Variants in ITPRID1 observed in about 807,000 individuals in gnomAD.
ITPRID1 encodes the protein protein ITPRID1.
In ITPRID1, 96 loss-of-function variants were observed where a neutral mutation model predicts 95.4. The ratio of observed to expected loss-of-function variants is 1.01; its 90% CI spans 0.85 to 1.19. The LOEUF is 1.19. Among genes scored for constraint, ITPRID1 ranks in the 50% most tolerant of loss-of-function variants. The pLI, the probability that ITPRID1 is intolerant of heterozygous loss-of-function variation, is 0.00. For missense variants in ITPRID1, 1,339 were observed against 1,252.9 expected (o/e 1.07, Z -1.04); for synonymous variants, 510 against 453.6 (o/e 1.12, Z -1.58).
chr7:31,605,055 A>G (rs1056389850), intron 10 of ITPRID1, among the ~76,000 whole-genome samples: 18 of 151,936 alleles, frequency 1.2e-4, no homozygotes, highest in African/African-American at 4.1e-4. Context: ...GGAGAATCCC[A>G]TGAACCTGGG....
At chr7:31,574,273 T>C (rs1447837072) in intron 7 of ITPRID1, among the ~76,000 whole-genome samples, 1 of 152,136 alleles carries the variant, frequency 6.6e-6, no homozygotes, top group African/African-American at 2.4e-5. Flanking sequence ...CCCTGCCCTG[T>C]ATAATTTACC....
intron 5 of ITPRID1, 141 bp from the exon 6 acceptor site, chr7:31,569,617 C>T (rs780680258): frequency 7.9e-5 from 52 of 657,722 alleles, no homozygotes; most frequent in Non-Finnish European, 1.3e-4. Context: ...TGTCTATTCA[C>T]TGCAGTGATG....
At position 31,642,250 on chromosome 7, in the gene ITPRID1, C is replaced by A. The variant is rs1047510276; in HGVS notation, c.1303C>A (p.Pro435Thr). The A allele has an allele frequency of 1.3e-6, 2 of 1,551,156 alleles. No homozygotes were observed. The highest frequency in any genetic ancestry group is 1.7e-6 in the Non-Finnish European group (2 of 1,146,846). Residue 435 changes from proline to threonine, a missense_variant, in exon 11 of 15, where the codon CCC becomes ACC. By Grantham distance (38) the Pro-to-Thr change is conservative. Coordinates refer to ENST00000615280, the MANE Select transcript of ITPRID1 (RefSeq NM_001257967.3). Reference sequence around the variant, plus strand: ...CCTGGAGGAGCCGCTGGAACCGCTGCCCCTCCAGGTAGGAGGGTTTGGAAC... The same window carrying A: ...CCTGGAGGAGCCGCTGGAACCGCTGACCCTCCAGGTAGGAGGGTTTGGAAC... ...GFLEEPLEPLPLQMPSLPNSQ... is the reference protein window; with the variant it reads ...GFLEEPLEPLTLQMPSLPNSQ...
At chr7:31,574,773 C>T (rs1256021332) in intron 8 of ITPRID1, 31 bp downstream of exon 8, 1 of 1,604,452 alleles carries the variant, frequency 6.2e-7, no homozygotes, top group Non-Finnish European at 8.5e-7. Flanking sequence ...ATTCGCATCT[C>T]AGCATTGGGA....
chr7:31,596,107 CTAT>C (rs1786078460), intron 10 of ITPRID1, among the ~76,000 whole-genome samples: 1 of 150,920 alleles, frequency 6.6e-6, no homozygotes, highest in Non-Finnish European at 1.5e-5. Context: ...TATATTGATA[CTAT>C]ATTACCAATA....
chr7:31,625,251 G>C (rs1788339512), intron 10 of ITPRID1, among the ~76,000 whole-genome samples: 1 of 146,482 alleles, frequency 6.8e-6, no homozygotes. Flanking sequence ...AATACCATTT[G>C]ACCCAGCCAT....
At chr7:31,518,639 A>T (rs953661090) in intron 1 of ITPRID1, among the ~76,000 whole-genome samples, 2 of 152,230 alleles carry the variant, frequency 1.3e-5, no homozygotes, top group African/African-American at 4.8e-5. Context: ...AATGAAACAC[A>T]TGTAGCAATA....
intron 1 of ITPRID1, among the ~76,000 whole-genome samples, chr7:31,545,334 T>C (rs534134181): frequency 7.9e-5 from 12 of 152,070 alleles, no homozygotes; most frequent in Admixed American, 7.9e-4. Context: ...GAATAGGAGA[T>C]GAGAGGTGGA....
At chr7:31,634,519 C>T (rs1309438145) in intron 10 of ITPRID1, among the ~76,000 whole-genome samples, 1 of 152,158 alleles carries the variant, frequency 6.6e-6, no homozygotes, top group Non-Finnish European at 1.5e-5. Flanking sequence ...CTCCAGATCA[C>T]ACAGCCTCTA....
chr7:31,537,201 A>G (rs1783790260), intron 1 of ITPRID1, among the ~76,000 whole-genome samples: 1 of 150,706 alleles, frequency 6.6e-6, no homozygotes, highest in Non-Finnish European at 1.5e-5. Context: ...TTTGCTCCCA[A>G]TCTTCCTGGT....
intron 10 of ITPRID1, among the ~76,000 whole-genome samples, chr7:31,586,014 A>G (rs918967089): frequency 1.6e-5 from 2 of 128,244 alleles, no homozygotes; most frequent in Non-Finnish European, 3.3e-5. Flanking sequence ...AACAGTCCCC[A>G]GAGTGTGATA....
At chr7:31,657,279 G>C (rs1433860281), downstream of ITPRID1, among the ~76,000 whole-genome samples, 1 of 148,834 alleles carries the variant, frequency 6.7e-6, no homozygotes, top group African/African-American at 2.5e-5. Context: ...TAAATCAATG[G>C]TTTGTCATGG....
At chr7:31,537,771 C>T (rs950463271) in intron 1 of ITPRID1, among the ~76,000 whole-genome samples, 9 of 152,072 alleles carry the variant, frequency 5.9e-5, no homozygotes, top group Non-Finnish European at 1.3e-4. Context: ...AATAAGAATG[C>T]AAGTCACCTG....
chr7:31,589,248 A>G (rs1382801871), intron 10 of ITPRID1, among the ~76,000 whole-genome samples: 1 of 152,130 alleles, frequency 6.6e-6, no homozygotes, highest in Non-Finnish European at 1.5e-5. Context: ...GGATTTTAAT[A>G]TATCTATAGA....
chr7:31,612,511 G>A (rs962195762), intron 10 of ITPRID1, among the ~76,000 whole-genome samples: 3 of 151,962 alleles, frequency 2.0e-5, no homozygotes, highest in Non-Finnish European at 4.4e-5. Context: ...TGTTGTTTCT[G>A]GTTTGTTTGT....
chr7:31,603,811 A>G (rs1786499773), intron 10 of ITPRID1, among the ~76,000 whole-genome samples: 1 of 152,102 alleles, frequency 6.6e-6, no homozygotes, highest in African/African-American at 2.4e-5. Context: ...CTCTGTAGCT[A>G]CATTGCTCCT....
chr7:31,574,168 A>T (rs1464353543), intron 7 of ITPRID1, among the ~76,000 whole-genome samples: 9 of 145,958 alleles, frequency 6.2e-5, no homozygotes, highest in Admixed American at 2.1e-4. Flanking sequence ...GTTTTGTGGG[A>T]TTTTTTTTTT....
intron 1 of ITPRID1, among the ~76,000 whole-genome samples, chr7:31,517,131 C>T (rs1015908716): frequency 6.6e-6 from 1 of 152,198 alleles, no homozygotes; most frequent in Non-Finnish European, 1.5e-5. Context: ...TAGCAGATTT[C>T]AGGTTTTGGT....
At chr7:31,644,001 A>C in intron 12 of ITPRID1, 48 bp downstream of exon 12, 1 of 1,496,996 alleles carries the variant, frequency 6.7e-7, no homozygotes, top group Non-Finnish European at 9.0e-7. Context: ...CACCCGTGAT[A>C]AACACCTCAG....
Sources: allele counts gnomAD v4.1 joint callset (sites outside exome capture counted in the v4.1 genomes callset), GRCh38; gene constraint gnomAD v4.1.1; transcripts MANE v1.5; gene names NCBI Gene and HGNC (gene_info 2026-07-23, HGNC 2026-07-21).